The following ELL variants were observed in gnomAD, a reference collection of about 807,000 sequenced individuals.
ELL encodes the protein elongation factor for RNA polymerase II.
A neutral mutation model predicts 64.0 loss-of-function variants in ELL; 18 were observed. The observed-to-expected ratio is 0.28, with a 90% CI of 0.19 to 0.42. The LOEUF (loss-of-function observed/expected upper bound fraction) is 0.42. ELL is among the 10% of genes least tolerant of loss of function. The probability of loss-of-function intolerance (pLI) is 1.00; values close to 1 mark genes in which losing one functional copy is unlikely to be tolerated. For missense variants in ELL, 797 were observed against 870.4 expected, an observed-to-expected ratio of 0.92 and a Z score of 1.06; for synonymous variants, 399 against 376.2, an observed-to-expected ratio of 1.06 and a Z score of -0.70.
chr19:18,470,350 A>C (rs1266420933), intron 2 of ELL, among the ~76,000 whole-genome samples: 3 of 152,170 alleles, frequency 2.0e-5, no homozygotes, highest in Non-Finnish European at 4.4e-5. Context: ...GGGCCCCCCC[A>C]CTGCTCAGGT....
At chr19:18,474,369 AG>A (rs1292468365) in intron 1 of ELL, among the ~76,000 whole-genome samples, 1 of 152,216 alleles carries the variant, frequency 6.6e-6, no homozygotes, top group Non-Finnish European at 1.5e-5. Context: ...GTCTACCAGG[AG>A]CCCCCTTCTT....
Position 18,451,542 on chromosome 19 carries a change from C to G in ELL, c.966+10G>C, listed in dbSNP as rs767038625. On this transcript the variant is annotated intron_variant, in intron 7 of 11. Coordinates refer to ENST00000262809, the MANE Select transcript of ELL (RefSeq NM_006532.4). Reference sequence around the variant, plus strand: ...GCTTGGGACAGTCACCCCAGGCATGCCTCACTTACCTGTGGGGGCGAGGCC... The same window carrying G: ...GCTTGGGACAGTCACCCCAGGCATGGCTCACTTACCTGTGGGGGCGAGGCC... 1 of 1,478,896 alleles carries G rather than the reference C, an allele frequency of 6.8e-7. No homozygotes were observed. 91.6% of individuals were successfully genotyped at this position (1,478,896 alleles called of 1,614,324 possible). A position where few individuals can be genotyped will look rare whatever the true frequency, so the allele number is the denominator to read the frequency against.
intron 1 of ELL, among the ~76,000 whole-genome samples, chr19:18,485,757 C>A (rs535179563): frequency 6.6e-6 from 1 of 152,178 alleles, no homozygotes; most frequent in South Asian, 2.1e-4. Context: ...AGAGCCAAGA[C>A]GAGCGGATCA....
At chr19:18,482,307 CCTTTT>C (rs1568388812) in intron 1 of ELL, among the ~76,000 whole-genome samples, 2 of 79,046 alleles carry the variant, frequency 2.5e-5, no homozygotes, top group Non-Finnish European at 4.5e-5. Flanking sequence ...TCTTTTCATT[CCTTTT>C]TTTTTTTTTT....
intron 1 of ELL, among the ~76,000 whole-genome samples, chr19:18,510,052 C>G (rs1167385453): frequency 6.6e-6 from 1 of 152,242 alleles, no homozygotes; most frequent in Admixed American, 6.5e-5. Flanking sequence ...CAAGGCCCTT[C>G]CTAACCCTCA....
intron 1 of ELL, among the ~76,000 whole-genome samples, chr19:18,502,088 C>G (rs148213886): frequency 3.3e-5 from 5 of 152,294 alleles, no homozygotes; most frequent in African/African-American, 1.2e-4. Flanking sequence ...GAGCTTACAG[C>G]AAGTGGGAGG....
intron 1 of ELL, among the ~76,000 whole-genome samples, chr19:18,490,499 C>T (rs918295564): frequency 6.6e-6 from 1 of 152,234 alleles, no homozygotes; most frequent in Non-Finnish European, 1.5e-5. Context: ...CACTCAGCTG[C>T]CCTCATCAGC....
chr19:18,513,441 C>CA (rs796540151), intron 1 of ELL, among the ~76,000 whole-genome samples: 24 of 152,272 alleles, frequency 1.6e-4, no homozygotes, highest in African/African-American at 5.8e-4. Context: ...AGAAGAGACG[C>CA]AAAACCATAT....
chr19:18,482,224 T>G (rs1975313765), intron 1 of ELL, among the ~76,000 whole-genome samples: 1 of 151,798 alleles, frequency 6.6e-6, no homozygotes, highest in African/African-American at 2.4e-5. Context: ...CTTACTAAGT[T>G]TTGAGGTTTT....
intron 6 of ELL, among the ~76,000 whole-genome samples, chr19:18,453,578 A>C (rs1236099750): frequency 2.0e-5 from 3 of 152,100 alleles, no homozygotes; most frequent in Middle Eastern, 3.2e-3. Context: ...GAATAAAAAA[A>C]ACAGAAAATA....
At chr19:18,461,474 C>G in intron 5 of ELL, 104 bp downstream of exon 5, 1 of 1,505,072 alleles carries the variant, frequency 6.6e-7, no homozygotes, top group Non-Finnish European at 8.9e-7. Flanking sequence ...AAGGGCTCTT[C>G]CTTGCCAGTC....
At chr19:18,487,098 C>A (rs1450513119) in intron 1 of ELL, among the ~76,000 whole-genome samples, 6 of 152,070 alleles carry the variant, frequency 3.9e-5, no homozygotes, top group African/African-American at 1.2e-4. Flanking sequence ...TGCGTGTAGA[C>A]CCTGCTGCTC....
intron 1 of ELL, among the ~76,000 whole-genome samples, chr19:18,497,715 G>A (rs999160280): frequency 2.0e-5 from 3 of 151,088 alleles, no homozygotes; most frequent in Non-Finnish European, 4.4e-5. Flanking sequence ...TACCCGGGAG[G>A]CTGGGGTGGG....
chr19:18,472,293 G>C (rs1043474171), intron 2 of ELL: 1 of 152,588 alleles, frequency 6.6e-6, no homozygotes, highest in African/African-American at 2.4e-5. Flanking sequence ...ATGGTGGAAG[G>C]GGGACAGGGA....
At chr19:18,479,826 C>G (rs570860524) in intron 1 of ELL, among the ~76,000 whole-genome samples, 2 of 152,070 alleles carry the variant, frequency 1.3e-5, no homozygotes, top group African/African-American at 2.4e-5. Context: ...GGGGCCCAAT[C>G]TGGCCAGGTC....
chr19:18,461,529 C>T (rs756198316), intron 5 of ELL, 49 bp downstream of exon 5: 10 of 1,552,826 alleles, frequency 6.4e-6, no homozygotes, highest in Non-Finnish European at 8.7e-6. Context: ...CCGCACAAGA[C>T]CATCTGCGGA....
intron 2 of ELL, 164 bp downstream of exon 2, chr19:18,472,671 C>A: frequency 4.8e-6 from 4 of 825,100 alleles, no homozygotes; most frequent in Non-Finnish European, 7.5e-6. Flanking sequence ...CTGGTGTGGC[C>A]CCAGCCAAGG....
chr19:18,501,907 A>G lies in ELL; in HGVS notation c.135+20014T>C, dbSNP rs1186161858. 1.3e-5 allele frequency among the ~76,000 whole-genome samples: 2 copies of G among 151,990 alleles called. No homozygotes were observed. Among genetic ancestry groups the G allele is most frequent in the Admixed American group, 1.3e-4 (2 of 15,268 alleles). ...CAGCCCTTTCCAAAAGAAGGCCCTG[A>G]ACACAGTCAAGAGGAAGAGGAAGAA... On this transcript the variant is annotated intron_variant, in intron 1 of 11. Transcript: ENST00000262809. The surrounding 1 kb of genome is among the most constrained non-coding windows in gnomAD (Gnocchi z 4.5).
At chr19:18,504,238 A>C (rs948519530) in intron 1 of ELL, among the ~76,000 whole-genome samples, 1 of 152,174 alleles carries the variant, frequency 6.6e-6, no homozygotes, top group African/African-American at 2.4e-5. Flanking sequence ...AGGTGGGCAA[A>C]GGGCATCTGT....
Sources: gnomAD v4.1 joint callset for allele counts (sites outside exome capture counted in the v4.1 genomes callset) on GRCh38, gnomAD v4.1.1 for gene constraint, Gnocchi (gnomAD v3.1) non-coding constraint, MANE v1.5 for transcripts, NCBI Gene and HGNC (gene_info 2026-07-23, HGNC 2026-07-21) for gene names.